Variants in GPAM observed in about 807,000 individuals in gnomAD.
The protein encoded by GPAM is glycerol-3-phosphate acyltransferase 1, mitochondrial.
In GPAM, 56 loss-of-function variants were observed where a neutral mutation model predicts 105.0. That is an observed-to-expected ratio of 0.53 (90% CI 0.43 to 0.67). GPAM has a LOEUF of 0.67. Among genes scored for constraint, GPAM ranks in the 30% least tolerant of loss-of-function variants. The pLI is 0.00. For synonymous variants in GPAM, 368 were observed against 354.4 expected, an observed-to-expected ratio of 1.04 and a Z score of -0.43; for missense variants, 855 against 989.8, an observed-to-expected ratio of 0.86 and a Z score of 1.83.
chr10:112,224,291 A>T, the GPAM span, among the ~76,000 whole-genome samples: 1 of 152,186 alleles, frequency 6.6e-6, no homozygotes. Flanking sequence ...TTCATACACA[A>T]TGATCATGGT....
chr10:112,166,322 G>A, intron 12 of GPAM, 80 bp downstream of exon 12: 1 of 796,704 alleles, frequency 1.3e-6, no homozygotes. Context: ...CACACAGAGA[G>A]GTGCTGTTAA....
intron 4 of GPAM, 105 bp downstream of exon 4, chr10:112,180,368 G>A: frequency 9.5e-7 from 1 of 1,049,138 alleles, no homozygotes; most frequent in Non-Finnish European, 1.5e-6. Context: ...ATAAACATGG[G>A]TCTCTGTTCT....
In GPAM at chr10:112,151,016, T is replaced by C. The variant is rs1025177256; in HGVS notation, c.*2534A>G. ...CACTAGTTTTTGCCTTTGTTTTTCATGCATTTTCAGAGTGCACAACTTCCC... is the reference window on the plus strand; with the variant it reads ...CACTAGTTTTTGCCTTTGTTTTTCACGCATTTTCAGAGTGCACAACTTCCC... On this transcript the variant is annotated 3_prime_UTR_variant, in exon 22 of 22. Transcript: ENST00000348367. The C allele has an allele frequency of 3.0e-6, 3 of 985,734 alleles. No individual in the cohort carries two copies. Among genetic ancestry groups the C allele is most frequent in the Non-Finnish European group, 3.6e-6 (3 of 829,924 alleles). 61.1% of individuals were successfully genotyped at this position (985,734 alleles called of 1,614,324 possible).
At chr10:112,197,658 C>A (rs1847741007) in intron 1 of GPAM, among the ~76,000 whole-genome samples, 1 of 119,716 alleles carries the variant, frequency 8.4e-6, no homozygotes, top group African/African-American at 3.2e-5. Context: ...CCACAACAGT[C>A]CCCAGAGTGT....
chr10:112,177,240 A>C (rs1221076106), intron 5 of GPAM, among the ~76,000 whole-genome samples: 1 of 152,234 alleles, frequency 6.6e-6, no homozygotes, highest in Non-Finnish European at 1.5e-5. Context: ...AATTATGAGA[A>C]GTAATATCAT....
chr10:112,226,719 G>C, the GPAM span, among the ~76,000 whole-genome samples: 2 of 152,202 alleles, frequency 1.3e-5, no homozygotes, highest in African/African-American at 4.8e-5. Context: ...AGCTGCAGCT[G>C]TGATGGTTTA....
rs1426053169 is a variant in GPAM, at chr10:112,172,327, G to C, written c.658-9C>G. On this transcript the variant is annotated splice_polypyrimidine_tract_variant and intron_variant, in intron 8 of 21. Coordinates refer to ENST00000348367, the MANE Select transcript of GPAM (RefSeq NM_001244949.2). ...AGAAGCGGCAAATTCGTCTAGCAAA[G>C]GGAAAAATGCCAAATTTAAAACTCA... 6.2e-7 allele frequency: 1 copy of C among 1,611,538 alleles called. No individual in the cohort carries two copies. Among genetic ancestry groups the C allele is most frequent in the Admixed American group, 1.7e-5 (1 of 59,978 alleles).
intron 5 of GPAM, 149 bp from the exon 6 acceptor site, chr10:112,175,862 G>T: frequency 1.6e-6 from 1 of 634,910 alleles, no homozygotes; most frequent in Non-Finnish European, 2.9e-6. Flanking sequence ...CTCCTTAGTA[G>T]TTCAGAATGT....
At chr10:112,226,772 A>G in the GPAM span, among the ~76,000 whole-genome samples, 4 of 152,160 alleles carry the variant, frequency 2.6e-5, no homozygotes, top group Non-Finnish European at 5.9e-5. Context: ...GCTACTTGAG[A>G]TAGTAAGAGT....
upstream of GPAM, among the ~76,000 whole-genome samples, chr10:112,219,969 A>G (rs146045828): frequency 1.3e-3 from 197 of 152,316 alleles, no homozygotes; most frequent in South Asian, 9.3e-3. Flanking sequence ...TAAGGTAAAC[A>G]ATTACCAGCC....
intron 11 of GPAM, among the ~76,000 whole-genome samples, chr10:112,167,025 G>A (rs113389732): frequency 0.016 from 2,501 of 152,238 alleles, 25 homozygotes; most frequent in Non-Finnish European, 0.026. Context: ...CACAATGACA[G>A]GACATATAAC....
In GPAM at chr10:112,151,507, G is replaced by A; in HGVS notation, c.*2043C>T. On this transcript the variant is annotated 3_prime_UTR_variant, in exon 22 of 22. Transcript: ENST00000348367. ...ATTTATCCTCACAGTGAGTTAAGTG[G>A]TGAGAGAGCTAGCAAATCATACATT... The A allele has an allele frequency of 1.0e-6, 1 of 985,738 alleles. No individual in the cohort carries two copies. Among genetic ancestry groups the A allele is most frequent in the African/African-American group, 1.7e-5 (1 of 57,346 alleles). The allele number at this position is 985,738 out of a possible 1,614,324, so 61.1% of individuals were successfully genotyped here.
chr10:112,158,080 G>A (rs1198420293), intron 18 of GPAM, among the ~76,000 whole-genome samples: 1 of 152,162 alleles, frequency 6.6e-6, no homozygotes, highest in Non-Finnish European at 1.5e-5. Context: ...ACAGGTGTGT[G>A]CCACCATGCC....
At chr10:112,174,688 T>C (rs1481875020) in intron 6 of GPAM, among the ~76,000 whole-genome samples, 1 of 152,178 alleles carries the variant, frequency 6.6e-6, no homozygotes, top group Non-Finnish European at 1.5e-5. Context: ...AATTCACTAA[T>C]ACAAAAAGAC....
At chr10:112,215,970 T>C (rs533784835), upstream of GPAM, among the ~76,000 whole-genome samples, 3 of 152,328 alleles carry the variant, frequency 2.0e-5, no homozygotes, top group Admixed American at 2.0e-4. Flanking sequence ...CTGTTCGGCT[T>C]ATGAAGAGCT....
chr10:112,211,109 A>G (rs1432881011), intron 1 of GPAM, among the ~76,000 whole-genome samples: 2 of 152,152 alleles, frequency 1.3e-5, no homozygotes, highest in Non-Finnish European at 2.9e-5. Context: ...TTTTTCCCAT[A>G]GGAGTGACCC....
In GPAM at chr10:112,175,707, G is replaced by A. The variant is rs374227468; in HGVS notation, c.306C>T (p.Arg102=). Residue 102 remains arginine, a synonymous_variant, in exon 6 of 22, where the codon CGC becomes CGT. Transcript: ENST00000348367. ...AAGAAAGGCGTCTTGCAAGCCATCC[G>A]CGGTGTCTGTGAAAATGATTTAGCA... The part of the protein sequence containing the change: ...IYINETHTRH[R]GWLARRLSYV... 79 of 1,602,384 alleles carry A rather than the reference G, an allele frequency of 4.9e-5. No individual in the cohort carries two copies. Among genetic ancestry groups the A allele is most frequent in the Admixed American group, 1.0e-4 (6 of 59,982 alleles).
intron 16 of GPAM, 120 bp downstream of exon 16, chr10:112,160,482 AAT>A: frequency 8.1e-7 from 1 of 1,229,254 alleles, no homozygotes. Context: ...TGAAAACTAA[AAT>A]TATAGCCACA....
At chr10:112,215,856 G>T (rs1442599712), upstream of GPAM, among the ~76,000 whole-genome samples, 1 of 152,272 alleles carries the variant, frequency 6.6e-6, no homozygotes, top group East Asian at 1.9e-4. Context: ...GATGCTTTAT[G>T]TGCATTTCGT....
Sources: gnomAD v4.1 joint callset for allele counts (sites outside exome capture counted in the v4.1 genomes callset) on GRCh38, gnomAD v4.1.1 for gene constraint, MANE v1.5 for transcripts, NCBI Gene and HGNC (gene_info 2026-07-23, HGNC 2026-07-21) for gene names.